GFRA2: variants seen among roughly 807,000 people sequenced by gnomAD.
GFRA2 encodes GDNF family receptor alpha 2.
In GFRA2, 17 loss-of-function variants were observed where a neutral mutation model predicts 48.3. That is an observed-to-expected ratio of 0.35 (90% confidence interval 0.24 to 0.53). The LOEUF (loss-of-function observed/expected upper bound fraction) is 0.53, where lower values mean the gene tolerates loss of function less well. Among genes scored for constraint, GFRA2 ranks in the 20% least tolerant of loss-of-function variants. The probability of loss-of-function intolerance (pLI) is 0.93; values close to 1 mark genes in which losing one functional copy is unlikely to be tolerated. For missense variants in GFRA2, 660 were observed against 637.3 expected, an observed-to-expected ratio of 1.04 and a Z score of -0.38; for synonymous variants, 305 against 257.2, an observed-to-expected ratio of 1.19 and a Z score of -1.78.
chr8:21,749,165 G>C (rs1805150870), intron 4 of GFRA2, among the ~76,000 whole-genome samples: 1 of 150,842 alleles, frequency 6.6e-6, no homozygotes, highest in African/African-American at 2.4e-5. Context: ...AAACAAAAAG[G>C]ACAAATGTGA....
chr8:21,790,128 TCTGG>T, upstream of GFRA2: 1 of 984,098 alleles, frequency 1.0e-6, no homozygotes, highest in Non-Finnish European at 1.2e-6. Flanking sequence ...AAAGGAAGCG[TCTGG>T]CTGGGAAAGG....
chr8:21,750,088 T>C lies in GFRA2; in HGVS notation c.794+500A>G, dbSNP rs199587753. ...GTGTATATATGTGTGTGTGTGTGTA[T>C]ACACACACACACACACACACACGCA... is the stretch of plus-strand genomic sequence containing the variant. On this transcript the variant is annotated intron_variant, in intron 4 of 8. Transcript: ENST00000524240. This position sits in a 1 kb window ranked among gnomAD's most constrained non-coding sequence, Gnocchi z 5.7. Among the ~76,000 whole-genome samples the C allele has an allele frequency of 0.024, 3,612 of 147,504 alleles. 98 individuals carry two copies. The highest frequency in any genetic ancestry group is 0.099 in the East Asian group (490 of 4,968).
intron 4 of GFRA2, among the ~76,000 whole-genome samples, chr8:21,737,711 C>T (rs1804540417): frequency 6.6e-6 from 1 of 152,248 alleles, no homozygotes; most frequent in Middle Eastern, 3.4e-3. Context: ...AGCCTCCCTC[C>T]CTCTGGTCCC....
chr8:21,725,979 T>C (rs1803850829), intron 4 of GFRA2, among the ~76,000 whole-genome samples: 1 of 152,208 alleles, frequency 6.6e-6, no homozygotes, highest in Non-Finnish European at 1.5e-5. Context: ...CTCTCCTGAG[T>C]GTCCCCCTGA....
At chr8:21,810,761 TG>T (rs755213392) in intron 1 of GFRA2, among the ~76,000 whole-genome samples, 1 of 152,148 alleles carries the variant, frequency 6.6e-6, no homozygotes, top group Non-Finnish European at 1.5e-5. Flanking sequence ...CTTCTGGGAA[TG>T]GGGCCCCTGG....
At chr8:21,784,443 C>T (rs1807166563) in intron 1 of GFRA2, 21 of 420,966 alleles carry the variant, frequency 5.0e-5, no homozygotes, top group South Asian at 3.5e-4. Flanking sequence ...CAGAATTCCC[C>T]ATCCCTACCC....
chr8:21,810,867 C>G (rs975401118), intron 1 of GFRA2, among the ~76,000 whole-genome samples: 1 of 152,128 alleles, frequency 6.6e-6, no homozygotes, highest in East Asian at 1.9e-4. Context: ...ACCAAGCAAC[C>G]CCCACAACCA....
intron 4 of GFRA2, among the ~76,000 whole-genome samples, chr8:21,725,961 C>T (rs996117486): frequency 6.6e-6 from 1 of 152,252 alleles, no homozygotes; most frequent in Non-Finnish European, 1.5e-5. Context: ...ATCTTGAACG[C>T]TGTGGCTCTC....
rs904664758 is a variant in GFRA2 at position 21,784,282 on chromosome 8, G to A, written c.41-1383C>T. On this transcript the variant is annotated intron_variant, in intron 1 of 8. Coordinates refer to ENST00000524240, the MANE Select transcript of GFRA2 (RefSeq NM_001495.5). ...CTGTCCTCTGATAAGCCCCTAACTC[G>A]AGATCCTGCCACCAGGAAAAGCCCG... The A allele has an allele frequency of 5.3e-5, 24 of 456,046 alleles. No individual in the cohort carries two copies. The East Asian group carries it at 8.4e-4, about 16-fold the overall frequency. The allele number at this position is 456,046 out of a possible 1,614,324, so 28.2% of individuals were successfully genotyped here.
chr8:21,721,478 C>G (rs1478884624), intron 4 of GFRA2, among the ~76,000 whole-genome samples: 1 of 152,138 alleles, frequency 6.6e-6, no homozygotes, highest in Non-Finnish European at 1.5e-5. Flanking sequence ...TGTCCATTCT[C>G]AAACACGCAG....
intron 2 of GFRA2, chr8:21,797,708 T>C (rs1441640724): frequency 6.6e-6 from 1 of 152,156 alleles, no homozygotes; most frequent in Non-Finnish European, 1.5e-5. Flanking sequence ...CATGCCCAGC[T>C]AATTTTTGTA....
intron 4 of GFRA2, among the ~76,000 whole-genome samples, chr8:21,712,667 G>A (rs1430904546): frequency 1.3e-5 from 2 of 152,264 alleles, no homozygotes; most frequent in East Asian, 1.9e-4. Flanking sequence ...GCTGGGAGGT[G>A]GAGGTTGTAG....
chr8:21,792,923 C>T (rs1807601489), upstream of GFRA2, among the ~76,000 whole-genome samples: 1 of 152,134 alleles, frequency 6.6e-6, no homozygotes, highest in Non-Finnish European at 1.5e-5. Context: ...AAAACATATC[C>T]AGGTGCGGTG....
At chr8:21,803,566 GAAC>G (rs1292186029) in intron 2 of GFRA2, among the ~76,000 whole-genome samples, 3 of 152,154 alleles carry the variant, frequency 2.0e-5, no homozygotes, top group Middle Eastern at 3.2e-3. Context: ...GAGAACTGAG[GAAC>G]AACAAGACTC....
intron 1 of GFRA2, among the ~76,000 whole-genome samples, chr8:21,805,444 A>C (rs772443514): frequency 8.5e-5 from 13 of 152,172 alleles, no homozygotes; most frequent in Non-Finnish European, 1.8e-4. Context: ...AGTACTTACC[A>C]ATTACAGGGG....
chr8:21,770,569 C>T (rs1289086433), intron 3 of GFRA2, among the ~76,000 whole-genome samples: 1 of 152,184 alleles, frequency 6.6e-6, no homozygotes. Flanking sequence ...CCTAAGTTCC[C>T]TTCCAGCTTC....
chr8:21,697,222 AT>A (rs1802253627), intron 7 of GFRA2, among the ~76,000 whole-genome samples: 19 of 89,152 alleles, frequency 2.1e-4, no homozygotes, highest in East Asian at 1.6e-3. Flanking sequence ...AGGGGAGGGC[AT>A]GGTAAGGGGA....
intron 8 of GFRA2, among the ~76,000 whole-genome samples, chr8:21,693,902 G>C (rs1207399130): frequency 6.6e-6 from 1 of 151,076 alleles, no homozygotes; most frequent in East Asian, 2.0e-4. Flanking sequence ...GAACATCTTT[G>C]TCTGAGTTTC....
At chr8:21,799,978 G>A (rs1807743014) in intron 2 of GFRA2, among the ~76,000 whole-genome samples, 1 of 152,186 alleles carries the variant, frequency 6.6e-6, no homozygotes, top group South Asian at 2.1e-4. Context: ...GCCCCCTGGT[G>A]TTCCCATTGC....
Sources: allele counts gnomAD v4.1 joint callset (sites outside exome capture counted in the v4.1 genomes callset), GRCh38; gene constraint gnomAD v4.1.1; non-coding constraint Gnocchi (gnomAD v3.1); transcripts MANE v1.5; gene names NCBI Gene and HGNC (gene_info 2026-07-23, HGNC 2026-07-21).